Variants in ZFPM2 observed in about 807,000 individuals in gnomAD.
ZFPM2 encodes zinc finger protein, FOG family member 2.
ZFPM2 carries 20 observed loss-of-function variants against 98.6 expected under a neutral mutation model. That is an observed-to-expected ratio of 0.20 (90% CI 0.14 to 0.29). The LOEUF (loss-of-function observed/expected upper bound fraction) is 0.29, where lower values mean the gene tolerates loss of function less well. ZFPM2 is among the 10% of genes least tolerant of loss of function. The pLI is 1.00. For synonymous variants in ZFPM2, 518 were observed against 502.7 expected (o/e 1.03, Z -0.41); for missense variants, 1,310 against 1,388.6 (o/e 0.94, Z 0.90).
chr8:105,505,340 G>A (rs1813677408), intron 3 of ZFPM2, among the ~76,000 whole-genome samples: 1 of 152,094 alleles, frequency 6.6e-6, no homozygotes, highest in Non-Finnish European at 1.5e-5. Flanking sequence ...CCAGCAATAG[G>A]AAGTTTAAGA....
At chr8:105,666,094 A>G (rs1361121366) in intron 5 of ZFPM2, among the ~76,000 whole-genome samples, 1 of 152,130 alleles carries the variant, frequency 6.6e-6, no homozygotes, top group Non-Finnish European at 1.5e-5. Context: ...CAATCTTTGC[A>G]TCTATAGGGT....
chr8:105,577,588 A>AT (rs1815495781), intron 4 of ZFPM2, among the ~76,000 whole-genome samples: 1 of 151,942 alleles, frequency 6.6e-6, no homozygotes, highest in Non-Finnish European at 1.5e-5. Context: ...TAATTTCATT[A>AT]TTTTACATCA....
chr8:105,500,932 T>C (rs1228088632), intron 3 of ZFPM2, among the ~76,000 whole-genome samples: 4 of 152,124 alleles, frequency 2.6e-5, no homozygotes, highest in Non-Finnish European at 4.4e-5. Context: ...AAAGATTTAG[T>C]CAAAATTAGT....
chr8:105,517,800 T>G (rs1452357479), intron 3 of ZFPM2, among the ~76,000 whole-genome samples: 2 of 151,322 alleles, frequency 1.3e-5, no homozygotes, highest in African/African-American at 4.9e-5. Flanking sequence ...AGGCTGAGCC[T>G]GGAGGATCAC....
At chr8:105,494,183 G>GTATATATATATATATATA (rs61035457) in intron 3 of ZFPM2, among the ~76,000 whole-genome samples, 19 of 59,998 alleles carry the variant, frequency 3.2e-4, no homozygotes, top group Middle Eastern at 0.014. Context: ...GCCACCAAAA[G>GTATATATATATATATATA]TATATATATA....
intron 3 of ZFPM2, among the ~76,000 whole-genome samples, chr8:105,544,480 T>C (rs1814649770): frequency 6.6e-6 from 1 of 152,202 alleles, no homozygotes; most frequent in Admixed American, 6.5e-5. Context: ...AAATCTTGTT[T>C]ATATTATTCT....
At chr8:105,429,463 T>TATATATATATATATATAG (rs1563654523) in intron 2 of ZFPM2, among the ~76,000 whole-genome samples, 3 of 150,696 alleles carry the variant, frequency 2.0e-5, no homozygotes, top group African/African-American at 7.5e-5. Flanking sequence ...TATATATATA[T>TATATATATATATATATAG]ATGGAAATAG....
At chr8:105,679,796 T>TA (rs34883451) in intron 5 of ZFPM2, among the ~76,000 whole-genome samples, 18,250 of 132,816 alleles carry the variant, frequency 0.14, 1,214 homozygotes, top group African/African-American at 0.15. Flanking sequence ...GACTCTGTCT[T>TA]AAAAAAAAAA....
intron 5 of ZFPM2, among the ~76,000 whole-genome samples, chr8:105,785,656 C>A (rs1403410722): frequency 6.6e-6 from 1 of 152,302 alleles, no homozygotes; most frequent in Middle Eastern, 3.4e-3. Context: ...GCAATCCCAG[C>A]ACTTTGGGAG....
intron 2 of ZFPM2, among the ~76,000 whole-genome samples, chr8:105,430,005 C>T (rs1188301793): frequency 2.6e-5 from 4 of 152,132 alleles, no homozygotes; most frequent in African/African-American, 9.7e-5. Context: ...TGGGACAATT[C>T]TGAAACTTGG....
intron 1 of ZFPM2, among the ~76,000 whole-genome samples, chr8:105,349,063 C>A (rs1039653105): frequency 2.0e-5 from 3 of 152,126 alleles, no homozygotes; most frequent in African/African-American, 7.2e-5. Flanking sequence ...GATAAATGAG[C>A]CCAAGGAGCC....
chr8:105,469,506 G>A (rs1042569004), intron 3 of ZFPM2, among the ~76,000 whole-genome samples: 2 of 152,086 alleles, frequency 1.3e-5, no homozygotes, highest in Admixed American at 6.5e-5. Flanking sequence ...ATTCATGCAT[G>A]CATGCATTCA....
intron 1 of ZFPM2, among the ~76,000 whole-genome samples, chr8:105,363,689 A>G (rs1268988845): frequency 2.0e-5 from 3 of 152,068 alleles, no homozygotes; most frequent in Non-Finnish European, 4.4e-5. Flanking sequence ...GGAAGGTGCA[A>G]TAATAAATGA....
Position 105,547,542 on chromosome 8 carries a change from CAAAAAAAAAA to C in ZFPM2, c.302-13803_302-13794del, listed in dbSNP as rs148322534. Reference sequence around the variant, plus strand: ...GGGTGACGAGAGTGAAACTCCATCTCAAAAAAAAAAAAAAAAAAAAAAAAAAAGAAATCAG... The same window carrying C: ...GGGTGACGAGAGTGAAACTCCATCTCAAAAAAAAAAAAAAAAAGAAATCAG... On this transcript the variant is annotated intron_variant, in intron 3 of 7. Coordinates refer to ENST00000407775, the MANE Select transcript of ZFPM2 (RefSeq NM_012082.4). 1.5e-4 allele frequency among the ~76,000 whole-genome samples: 7 copies of C among 47,190 alleles called. No individual in the cohort carries two copies. The East Asian group carries it at 2.4e-3, about 16-fold the overall frequency. The allele number at this position is 47,190 out of a possible 152,430, so 31.0% of individuals were successfully genotyped here.
chr8:105,728,190 T>C (rs1033132329), intron 5 of ZFPM2, among the ~76,000 whole-genome samples: 1 of 151,834 alleles, frequency 6.6e-6, no homozygotes, highest in East Asian at 2.0e-4. Flanking sequence ...GGGAAAGTTA[T>C]GAGTTCTAGA....
chr8:105,457,155 A>G (rs1250358361), intron 3 of ZFPM2, among the ~76,000 whole-genome samples: 5 of 152,174 alleles, frequency 3.3e-5, no homozygotes, highest in Admixed American at 1.3e-4. Context: ...AGCCAAACAG[A>G]TAACAGCCAG....
At chr8:105,742,967 T>C (rs772953829) in intron 5 of ZFPM2, among the ~76,000 whole-genome samples, 2 of 151,978 alleles carry the variant, frequency 1.3e-5, no homozygotes, top group Non-Finnish European at 2.9e-5. Context: ...TGGGAGAGAA[T>C]ACAGGAGATA....
intron 1 of ZFPM2, among the ~76,000 whole-genome samples, chr8:105,324,444 A>G (rs1271049310): frequency 6.6e-6 from 1 of 151,864 alleles, no homozygotes; most frequent in Non-Finnish European, 1.5e-5. Flanking sequence ...TTGCTATTCA[A>G]GAACTAATTA....
intron 5 of ZFPM2, among the ~76,000 whole-genome samples, chr8:105,660,416 G>C (rs890020665): frequency 6.6e-6 from 1 of 152,116 alleles, no homozygotes; most frequent in African/African-American, 2.4e-5. Context: ...AAAGGCTGCA[G>C]ACCATAGTAT....
Sources: gnomAD v4.1 joint callset for allele counts (sites outside exome capture counted in the v4.1 genomes callset) on GRCh38, gnomAD v4.1.1 for gene constraint, MANE v1.5 for transcripts, NCBI Gene and HGNC (gene_info 2026-07-23, HGNC 2026-07-21) for gene names.